FBN1: variants seen among roughly 807,000 people sequenced by gnomAD.
The protein encoded by FBN1 is fibrillin-1.
FBN1 carries 29 observed loss-of-function variants against 365.1 expected under a neutral mutation model. The observed-to-expected ratio is 0.08, with a 90% CI of 0.06 to 0.11. FBN1 has a LOEUF of 0.11. Ranked by LOEUF, FBN1 falls within the 10% of genes least tolerant of loss-of-function variation. FBN1 has a pLI of 1.00. For missense variants in FBN1, 2,476 were observed against 3,703.2 expected, an observed-to-expected ratio of 0.67 and a Z score of 8.60; for synonymous variants, 1,210 against 1,270.5, an observed-to-expected ratio of 0.95 and a Z score of 1.01.
intron 32 of FBN1, among the ~76,000 whole-genome samples, chr15:48,481,323 G>C (rs543979817): frequency 6.6e-6 from 1 of 152,070 alleles, no homozygotes; most frequent in Non-Finnish European, 1.5e-5. Flanking sequence ...GGCTTGCTTC[G>C]GTGAAGGGCC....
chr15:48,559,872 T>A (rs777634666), intron 6 of FBN1, among the ~76,000 whole-genome samples: 15 of 152,250 alleles, frequency 9.9e-5, no homozygotes, highest in Non-Finnish European at 1.9e-4. Context: ...AAGCCTGTTT[T>A]GTGTGCCCAT....
At chr15:48,457,400 T>C (rs529591157) in intron 43 of FBN1, among the ~76,000 whole-genome samples, 2 of 152,308 alleles carry the variant, frequency 1.3e-5, no homozygotes, top group African/African-American at 4.8e-5. Context: ...GCACTCTACA[T>C]GACAGGTAGT....
chr15:48,617,418 C>T (rs922796009), intron 2 of FBN1, among the ~76,000 whole-genome samples: 3 of 152,074 alleles, frequency 2.0e-5, no homozygotes, highest in African/African-American at 7.2e-5. Flanking sequence ...CGTGATCCGC[C>T]CGCCTCTGCC....
intron 6 of FBN1, among the ~76,000 whole-genome samples, chr15:48,567,998 T>TAAGGAAGAAAGAAAGAAAGAAAGA (rs1555403245): frequency 8.8e-5 from 5 of 56,532 alleles, no homozygotes; most frequent in African/African-American, 4.1e-4. Flanking sequence ...AGTATACAGA[T>TAAGGAAGAAAGAAAGAAAGAAAGA]AAGAAAGAAA....
At chr15:48,481,951 T>C (rs1302886856) in intron 31 of FBN1, among the ~76,000 whole-genome samples, 171 bp from the exon 32 acceptor site, 3 of 152,208 alleles carry the variant, frequency 2.0e-5, no homozygotes, top group African/African-American at 4.8e-5. Context: ...ATTCTTTACA[T>C]TGCAAGCTCA....
chr15:48,445,236 C>G, intron 48 of FBN1, 140 bp downstream of exon 48: 2 of 632,576 alleles, frequency 3.2e-6, no homozygotes, highest in South Asian at 3.4e-5. Flanking sequence ...AAAAACAAGC[C>G]TTTATAGGGA....
At chr15:48,484,303 T>C (rs1808826802) in intron 30 of FBN1, among the ~76,000 whole-genome samples, 1 of 152,156 alleles carries the variant, frequency 6.6e-6, no homozygotes, top group Non-Finnish European at 1.5e-5. Context: ...TTTAGCAATA[T>C]TTTAAGGTAA....
At chr15:48,499,869 A>C (rs1198368560) in intron 17 of FBN1, among the ~76,000 whole-genome samples, 2 of 152,204 alleles carry the variant, frequency 1.3e-5, no homozygotes, top group African/African-American at 4.8e-5. Context: ...TCATATGTAA[A>C]TCATCTGTGC....
intron 8 of FBN1, among the ~76,000 whole-genome samples, chr15:48,530,179 C>G (rs1020769855): frequency 7.2e-6 from 1 of 139,324 alleles, no homozygotes; most frequent in African/African-American, 2.5e-5. Flanking sequence ...CTGCATCCGC[C>G]GCCTCATCAC....
At chr15:48,644,150 C>T in intron 2 of FBN1, 1 of 176,060 alleles carries the variant, frequency 5.7e-6, no homozygotes. Flanking sequence ...GAAGAGTCAA[C>T]TACTGTGTGA....
chr15:48,587,845 T>C (rs1185550465), intron 6 of FBN1, among the ~76,000 whole-genome samples: 1 of 152,162 alleles, frequency 6.6e-6, no homozygotes, highest in Admixed American at 6.5e-5. Flanking sequence ...TAACATGAGA[T>C]TGAGCTTTAT....
chr15:48,556,187 G>A (rs1253549984), intron 6 of FBN1, among the ~76,000 whole-genome samples: 2 of 152,142 alleles, frequency 1.3e-5, no homozygotes, highest in South Asian at 2.1e-4. Flanking sequence ...CAAACCTCAC[G>A]AACCTCAAAG....
Position 48,517,936 on chromosome 15 carries a change from G to A in FBN1, c.1148-1574C>T, listed in dbSNP as rs566073127. Among the ~76,000 whole-genome samples, 3 of 152,250 alleles carry A rather than the reference G, an allele frequency of 2.0e-5. No homozygotes were observed. The East Asian group carries it at 5.8e-4, about 29-fold the overall frequency. On this transcript the variant is annotated intron_variant, in intron 10 of 65. Transcript: ENST00000316623. The stretch of plus-strand genomic sequence containing the variant: ...ATGCATTCATATTTCAACCTCACGG[G>A]ACATTCTGCCAATTTACATGAGGTT...
At chr15:48,542,621 T>C (rs936902068) in intron 6 of FBN1, among the ~76,000 whole-genome samples, 8 of 152,134 alleles carry the variant, frequency 5.3e-5, no homozygotes, top group African/African-American at 1.9e-4. Flanking sequence ...CATAATAGAA[T>C]CACTTGGGGG....
intron 4 of FBN1, among the ~76,000 whole-genome samples, chr15:48,602,299 A>G (rs2044573681): frequency 6.6e-6 from 1 of 152,154 alleles, no homozygotes; most frequent in South Asian, 2.1e-4. Flanking sequence ...TTTGAAGCAT[A>G]TATTATATAA....
intron 32 of FBN1, among the ~76,000 whole-genome samples, chr15:48,478,274 G>C (rs1216203410): frequency 6.6e-6 from 1 of 152,174 alleles, no homozygotes; most frequent in Non-Finnish European, 1.5e-5. Context: ...AGGAAAATTA[G>C]CAGTGATAAG....
chr15:48,634,726 A>C (rs768495190), intron 2 of FBN1, among the ~76,000 whole-genome samples: 3 of 151,828 alleles, frequency 2.0e-5, no homozygotes, highest in Non-Finnish European at 4.4e-5. Context: ...AGCACAGCTT[A>C]TGAAATTACT....
At chr15:48,415,021 TG>T (rs2042890846) in intron 64 of FBN1, among the ~76,000 whole-genome samples, 2 of 152,222 alleles carry the variant, frequency 1.3e-5, no homozygotes, top group South Asian at 4.1e-4. Flanking sequence ...AATGCACCTT[TG>T]GTAAAATTTA....
At chr15:48,487,224 A>C in intron 28 of FBN1, 24 bp from the exon 29 acceptor site, 1 of 1,614,116 alleles carries the variant, frequency 6.2e-7, no homozygotes, top group Non-Finnish European at 8.5e-7. Context: ...AAGAAGAACA[A>C]ACACCCAAAC....
Sources: allele counts gnomAD v4.1 joint callset (sites outside exome capture counted in the v4.1 genomes callset), GRCh38; gene constraint gnomAD v4.1.1; transcripts MANE v1.5; gene names NCBI Gene and HGNC (gene_info 2026-07-23, HGNC 2026-07-21).